Variants in TMEM132B observed in about 807,000 individuals in gnomAD.
TMEM132B encodes transmembrane protein 132B.
TMEM132B carries 18 observed loss-of-function variants against 90.8 expected under a neutral mutation model. The ratio of observed to expected loss-of-function variants is 0.20; its 90% CI spans 0.14 to 0.29. TMEM132B has a LOEUF of 0.29. TMEM132B is among the 10% of genes least tolerant of loss of function. The pLI, the probability that TMEM132B is intolerant of heterozygous loss-of-function variation, is 1.00. For missense variants in TMEM132B, 1,096 were observed against 1,326.8 expected (o/e 0.83, Z 2.70); for synonymous variants, 504 against 523.3 (o/e 0.96, Z 0.50).
At chr12:125,585,849 G>A (rs185226080) in intron 5 of TMEM132B, 35 of 152,200 alleles carry the variant, frequency 2.3e-4, no homozygotes, top group African/African-American at 7.7e-4. Context: ...GTCTTCAGAG[G>A]AACAAAGTGA....
At chr12:125,347,940 G>A (rs754476717) in intron 1 of TMEM132B, among the ~76,000 whole-genome samples, 6 of 152,146 alleles carry the variant, frequency 3.9e-5, no homozygotes, top group Non-Finnish European at 5.9e-5. Flanking sequence ...ATACATGGTT[G>A]TAACAAATTA....
chr12:125,322,561 GTAGGAAGTA>G (rs1876458103), intron 1 of TMEM132B, among the ~76,000 whole-genome samples: 1 of 152,194 alleles, frequency 6.6e-6, no homozygotes, highest in African/African-American at 2.4e-5. Context: ...CTTTTGGGGT[GTAGGAAGTA>G]TTCTAAAACT....
rs918003225 is a variant in TMEM132B at position 125,658,225 on chromosome 12, C to T, written c.*3515C>T. ...GGGGGAAAGTTGATTAATTTTTGTC[C>T]CATTGCCACATCTGTAGACTAAGTA... On this transcript the variant is annotated 3_prime_UTR_variant, in exon 9 of 9. Coordinates refer to ENST00000682704, the MANE Select transcript of TMEM132B (RefSeq NM_001366854.1). The T allele has an allele frequency of 6.6e-6, 1 of 152,152 alleles. No homozygotes were observed. The highest frequency in any genetic ancestry group is 1.5e-5 in the Non-Finnish European group (1 of 68,028). The allele number at this position is 152,152 out of a possible 1,614,324, so 9.4% of individuals were successfully genotyped here.
At chr12:125,570,075 C>T (rs1232227925) in intron 4 of TMEM132B, among the ~76,000 whole-genome samples, 1 of 152,080 alleles carries the variant, frequency 6.6e-6, no homozygotes, top group Non-Finnish European at 1.5e-5. Flanking sequence ...AATGGTTTTA[C>T]CTGCATTCGG....
chr12:125,428,284 G>A (rs1300388535), intron 3 of TMEM132B, among the ~76,000 whole-genome samples: 1 of 140,420 alleles, frequency 7.1e-6, no homozygotes, highest in Non-Finnish European at 1.5e-5. Flanking sequence ...GTGAGCCACT[G>A]CACCCAGCTG....
chr12:125,486,219 A>G (rs1882198422), intron 3 of TMEM132B, among the ~76,000 whole-genome samples: 2 of 152,246 alleles, frequency 1.3e-5, no homozygotes, highest in South Asian at 4.1e-4. Context: ...TGAAGAGGGC[A>G]TGGGTATAAA....
chr12:125,610,530 G>A (rs1823863445), intron 5 of TMEM132B, among the ~76,000 whole-genome samples: 1 of 151,840 alleles, frequency 6.6e-6, no homozygotes, highest in African/African-American at 2.4e-5. Flanking sequence ...TTATTGATAT[G>A]CTCATTTTGC....
intron 4 of TMEM132B, among the ~76,000 whole-genome samples, chr12:125,537,166 A>G (rs899147789): frequency 3.3e-5 from 5 of 152,190 alleles, no homozygotes; most frequent in African/African-American, 1.2e-4. Context: ...GAACCCACAT[A>G]TACAAAGAGT....
chr12:125,407,062 C>T lies in TMEM132B; in HGVS notation c.960-8469C>T. The stretch of plus-strand genomic sequence containing the variant: ...GCTCACCCAAGCTTGGTGTCCAGAG[C>T]TTTTTTTGGAACTTGGTCACATAGA... On this transcript the variant is annotated intron_variant, in intron 2 of 8. Coordinates refer to ENST00000682704, the MANE Select transcript of TMEM132B (RefSeq NM_001366854.1). The surrounding 1 kb of genome is among the most constrained non-coding windows in gnomAD (Gnocchi z 6.7). Among the ~76,000 whole-genome samples the T allele has an allele frequency of 1.3e-5, 2 of 152,202 alleles. No individual in the cohort carries two copies. Among genetic ancestry groups the T allele is most frequent in the South Asian group, 4.2e-4 (2 of 4,814 alleles).
Position 125,658,844 on chromosome 12 carries a change from G to C in TMEM132B, c.*4134G>C, listed in dbSNP as rs1887138490. On this transcript the variant is annotated 3_prime_UTR_variant, in exon 9 of 9. Coordinates refer to ENST00000682704, the MANE Select transcript of TMEM132B (RefSeq NM_001366854.1). ...TGAATTTGGAATTCTGGCCTAGAAA[G>C]GCTGTGGCTTATGTTGGGATTGATG... The C allele has an allele frequency of 6.6e-6, 1 of 152,304 alleles. No individual in the cohort carries two copies. The highest frequency in any genetic ancestry group is 3.4e-3 in the Middle Eastern group (1 of 294). The allele number at this position is 152,304 out of a possible 1,614,324, so 9.4% of individuals were successfully genotyped here.
Position 125,498,628 on chromosome 12 carries a change from G to A in TMEM132B, c.1107-20811G>A, listed in dbSNP as rs1882617555. On this transcript the variant is annotated intron_variant, in intron 3 of 8. Coordinates refer to ENST00000682704, the MANE Select transcript of TMEM132B (RefSeq NM_001366854.1). This position sits in a 1 kb window ranked among gnomAD's most constrained non-coding sequence, Gnocchi z 4.5. The stretch of plus-strand genomic sequence containing the variant: ...GGAGGGACTCAGAAAACATAACTCA[G>A]GAGACAGGTAAAGAGGATACCCCCT... Among the ~76,000 whole-genome samples, 3 of 152,182 alleles carry A rather than the reference G, an allele frequency of 2.0e-5. No individual in the cohort carries two copies. In the South Asian group the frequency reaches 6.2e-4, roughly 32 times the overall value.
Position 125,482,104 on chromosome 12 carries a change from C to T in TMEM132B, c.1107-37335C>T, listed in dbSNP as rs1218841148. Among the ~76,000 whole-genome samples the T allele has an allele frequency of 5.3e-5, 8 of 152,260 alleles. No homozygotes were observed. In the South Asian group the frequency reaches 1.5e-3, roughly 28 times the overall value. ...TTACACACTTATACAAAAATTAATT[C>T]AAGATGGATTAAAGACTTAAATGTT... On this transcript the variant is annotated intron_variant, in intron 3 of 8. Coordinates refer to ENST00000682704, the MANE Select transcript of TMEM132B (RefSeq NM_001366854.1).
intron 1 of TMEM132B, among the ~76,000 whole-genome samples, chr12:125,222,272 C>T (rs1873576147): frequency 6.6e-6 from 1 of 152,040 alleles, no homozygotes; most frequent in African/African-American, 2.4e-5. Context: ...GTTTTCTTCC[C>T]TCAAGGACTC....
intron 2 of TMEM132B, among the ~76,000 whole-genome samples, chr12:125,360,382 TAG>T (rs1877921921): frequency 6.6e-6 from 1 of 152,230 alleles, no homozygotes; most frequent in South Asian, 2.1e-4. Context: ...AGACTGCTCC[TAG>T]ACGATGGTCT....
At chr12:125,519,253 T>C (rs2254785) in intron 3 of TMEM132B, among the ~76,000 whole-genome samples, 186 bp from the exon 4 acceptor site, 116,688 of 152,028 alleles carry the variant, frequency 0.77, 45,309 homozygotes, top group East Asian at 0.93. Flanking sequence ...ATCGTCAGCC[T>C]ATTCTGAGGT....
rs981655016 is a variant in TMEM132B, at chr12:125,237,227, G to A, written c.67+50361G>A. Among the ~76,000 whole-genome samples, 11 of 152,228 alleles carry A rather than the reference G, an allele frequency of 7.2e-5. No individual in the cohort carries two copies. The East Asian group carries it at 1.9e-3, about 27-fold the overall frequency. On this transcript the variant is annotated intron_variant, in intron 1 of 8. Coordinates refer to ENST00000682704, the MANE Select transcript of TMEM132B (RefSeq NM_001366854.1). ...AGGAGGTTGTTAGCATCCTGGGGCC[G>A]TCACCAGTGCCGCAGGTGACCTCCA...
chr12:125,405,087 C>G (rs1481284894), intron 2 of TMEM132B, among the ~76,000 whole-genome samples: 3 of 152,138 alleles, frequency 2.0e-5, no homozygotes, highest in Non-Finnish European at 4.4e-5. Context: ...CTGGGGCTGC[C>G]ACAGCAAATG....
At chr12:125,319,287 A>T (rs1205292818) in intron 1 of TMEM132B, among the ~76,000 whole-genome samples, 3 of 152,214 alleles carry the variant, frequency 2.0e-5, no homozygotes, top group African/African-American at 7.2e-5. Flanking sequence ...GATGCTGTTG[A>T]TGATGATAGT....
intron 3 of TMEM132B, among the ~76,000 whole-genome samples, chr12:125,447,669 C>T (rs183888508): frequency 8.1e-4 from 124 of 152,236 alleles, no homozygotes; most frequent in Non-Finnish European, 1.2e-3. Flanking sequence ...TATAGGTATT[C>T]TATTTAGTAG....
Sources: gnomAD v4.1 joint callset for allele counts (sites outside exome capture counted in the v4.1 genomes callset) on GRCh38, gnomAD v4.1.1 for gene constraint, Gnocchi (gnomAD v3.1) non-coding constraint, MANE v1.5 for transcripts, NCBI Gene and HGNC (gene_info 2026-07-23, HGNC 2026-07-21) for gene names.